Variants in CTNNA1 observed in about 807,000 individuals in gnomAD.
CTNNA1 encodes catenin alpha-1.
In CTNNA1, 37 loss-of-function variants were observed where a neutral mutation model predicts 98.4. The ratio of observed to expected loss-of-function variants is 0.38; its 90% CI spans 0.29 to 0.49. The LOEUF (loss-of-function observed/expected upper bound fraction) is 0.49, where lower values mean the gene tolerates loss of function less well. Ranked by LOEUF, CTNNA1 falls within the 20% of genes least tolerant of loss-of-function variation. CTNNA1 has a pLI of 0.95. For missense variants in CTNNA1, 761 were observed against 1,147.2 expected, an observed-to-expected ratio of 0.66 and a Z score of 4.86; for synonymous variants, 404 against 413.2, an observed-to-expected ratio of 0.98 and a Z score of 0.27.
chr5:138,804,717 C>T (rs747604789), intron 3 of CTNNA1, among the ~76,000 whole-genome samples: 6 of 121,532 alleles, frequency 4.9e-5, no homozygotes, highest in Non-Finnish European at 8.5e-5. Flanking sequence ...TCTGCTTTTT[C>T]AGCTGTTATG....
At chr5:138,887,737 C>G in intron 9 of CTNNA1, 95 bp downstream of exon 9, 1 of 1,015,982 alleles carries the variant, frequency 9.8e-7, no homozygotes, top group Non-Finnish European at 1.5e-6. Flanking sequence ...TTTGTAAGGG[C>G]TCGCTTAACA....
At chr5:138,802,718 C>G (rs555047296) in intron 3 of CTNNA1, among the ~76,000 whole-genome samples, 14 of 152,136 alleles carry the variant, frequency 9.2e-5, no homozygotes, top group South Asian at 2.1e-4. Context: ...GAACCTGAGA[C>G]TATTAAGTGG....
chr5:138,925,166 CTCTT>C, intron 12 of CTNNA1, 86 bp from the exon 13 acceptor site: 2 of 1,434,574 alleles, frequency 1.4e-6, no homozygotes, highest in Non-Finnish European at 1.9e-6. Context: ...TAAGCCTCAC[CTCTT>C]TCTGTCTAGC....
At chr5:138,781,147 T>C (rs1755054136) in intron 1 of CTNNA1, among the ~76,000 whole-genome samples, 5 of 152,178 alleles carry the variant, frequency 3.3e-5, no homozygotes, top group Admixed American at 3.3e-4. Context: ...TCTCTAGGAA[T>C]CCATCAAAAA....
chr5:138,782,628 A>G (rs1177661120), intron 2 of CTNNA1, among the ~76,000 whole-genome samples: 1 of 152,228 alleles, frequency 6.6e-6, no homozygotes, highest in African/African-American at 2.4e-5. Flanking sequence ...ATCTGGTATT[A>G]TGTGTATTAA....
chr5:138,825,268 G>A (rs1349028671), intron 6 of CTNNA1, among the ~76,000 whole-genome samples: 1 of 152,080 alleles, frequency 6.6e-6, no homozygotes, highest in East Asian at 1.9e-4. Flanking sequence ...TCTTTTCAGT[G>A]ACTAAATTGG....
At chr5:138,905,073 G>A (rs1482640180) in intron 10 of CTNNA1, among the ~76,000 whole-genome samples, 6 of 138,690 alleles carry the variant, frequency 4.3e-5, no homozygotes, top group East Asian at 2.1e-4. Flanking sequence ...CAGCCTGGGC[G>A]ACAGAGCAAG....
In CTNNA1 at chr5:138,794,056, C is replaced by T. The variant is rs193043526; in HGVS notation, c.301+10684C>T. ...TTTTTAAGACGGAGTCTTGCTCTGT[C>T]GCCCAGGCTGAAGTGCAGTGGTGCA... On this transcript the variant is annotated intron_variant, in intron 3 of 17. Transcript: ENST00000302763. 4.9e-3 allele frequency among the ~76,000 whole-genome samples: 699 copies of T among 141,264 alleles called. 3 individuals carry two copies. Among genetic ancestry groups the T allele is most frequent in the African/African-American group, 0.016 (586 of 37,500 alleles). 92.7% of individuals were successfully genotyped at this position (141,264 alleles called of 152,430 possible).
At chr5:138,911,657 G>C (rs1012658404) in intron 10 of CTNNA1, among the ~76,000 whole-genome samples, 2 of 152,200 alleles carry the variant, frequency 1.3e-5, no homozygotes, top group African/African-American at 2.4e-5. Context: ...TAATGTTGTT[G>C]ATTTTAGCTC....
chr5:138,929,389 G>T, intron 14 of CTNNA1, 33 bp downstream of exon 14: 1 of 1,090,284 alleles, frequency 9.2e-7, no homozygotes, highest in Non-Finnish European at 1.4e-6. Flanking sequence ...AGTTCAGCTT[G>T]TGCTGCCGAC....
chr5:138,902,975 G>A (rs372005806), intron 9 of CTNNA1, among the ~76,000 whole-genome samples: 23 of 152,002 alleles, frequency 1.5e-4, no homozygotes, highest in African/African-American at 5.5e-4. Context: ...GAAATCCCCA[G>A]TCATCTCTGT....
chr5:138,880,702 A>T (rs1021450279), intron 7 of CTNNA1: 20 of 214,754 alleles, frequency 9.3e-5, no homozygotes, highest in Non-Finnish European at 1.1e-4. Context: ...GGCTATACAA[A>T]GAAAGCTGTT....
chr5:138,860,339 C>A (rs1274182575), intron 7 of CTNNA1, among the ~76,000 whole-genome samples: 1 of 152,156 alleles, frequency 6.6e-6, no homozygotes, highest in African/African-American at 2.4e-5. Flanking sequence ...AAAGCAAGCA[C>A]AAATTGAGTG....
intron 7 of CTNNA1, among the ~76,000 whole-genome samples, chr5:138,840,393 C>T (rs986688946): frequency 3.3e-5 from 5 of 152,156 alleles, no homozygotes; most frequent in Non-Finnish European, 7.3e-5. Flanking sequence ...CCTCTCCTCT[C>T]GTGTGTTTGT....
chr5:138,834,218 ACTTTT>A (rs1761555670), intron 7 of CTNNA1, among the ~76,000 whole-genome samples: 1 of 152,162 alleles, frequency 6.6e-6, no homozygotes, highest in Non-Finnish European at 1.5e-5. Context: ...TTGTGGCTAC[ACTTTT>A]CTTTTCTTCA....
At chr5:138,758,624 C>T (rs1207666696) in intron 1 of CTNNA1, among the ~76,000 whole-genome samples, 3 of 152,186 alleles carry the variant, frequency 2.0e-5, no homozygotes, top group African/African-American at 7.2e-5. Context: ...ATCTGCCCAC[C>T]TCGGCCTCCC....
chr5:138,774,839 G>A (rs1254502023), intron 1 of CTNNA1, among the ~76,000 whole-genome samples: 1 of 151,852 alleles, frequency 6.6e-6, no homozygotes, highest in Non-Finnish European at 1.5e-5. Flanking sequence ...TTGATCTCCT[G>A]ACCTCGTGAT....
intron 9 of CTNNA1, among the ~76,000 whole-genome samples, chr5:138,904,116 C>G (rs1758654527): frequency 6.6e-6 from 1 of 152,204 alleles, no homozygotes; most frequent in Admixed American, 6.5e-5. Context: ...TGGGATCTTT[C>G]AAGGTTTTGC....
chr5:138,929,027 A>C (rs558180313), intron 13 of CTNNA1, among the ~76,000 whole-genome samples: 117 of 152,318 alleles, frequency 7.7e-4, no homozygotes, highest in Non-Finnish European at 1.5e-3. Context: ...AAACCAGCCC[A>C]GGCCTGCTGT....
Sources: allele counts gnomAD v4.1 joint callset (sites outside exome capture counted in the v4.1 genomes callset), GRCh38; gene constraint gnomAD v4.1.1; transcripts MANE v1.5; gene names NCBI Gene and HGNC (gene_info 2026-07-23, HGNC 2026-07-21).